The following CMTM8 variants were observed in gnomAD, a reference collection of about 807,000 sequenced individuals.
CMTM8 encodes CKLF-like MARVEL transmembrane domain-containing protein 8.
In CMTM8, 12 loss-of-function variants were observed where a neutral mutation model predicts 18.6. The ratio of observed to expected loss-of-function variants is 0.65; its 90% CI spans 0.41 to 1.05. The LOEUF (loss-of-function observed/expected upper bound fraction) is 1.05, where lower values mean the gene tolerates loss of function less well. Ranked by LOEUF, CMTM8 falls within the 50% of genes least tolerant of loss-of-function variation. CMTM8 has a pLI of 0.00. For synonymous variants in CMTM8, 87 were observed against 90.6 expected, an observed-to-expected ratio of 0.96 and a Z score of 0.23; for missense variants, 217 against 227.2, an observed-to-expected ratio of 0.95 and a Z score of 0.29.
At chr3:32,327,417 A>G (rs541612074) in intron 1 of CMTM8, among the ~76,000 whole-genome samples, 1 of 152,376 alleles carries the variant, frequency 6.6e-6, no homozygotes, top group South Asian at 2.1e-4. Flanking sequence ...TTAAATTTAA[A>G]AATAAAACAT....
rs765766100 is a variant in CMTM8 at position 32,367,916 on chromosome 3, C to CGCTGTTGTAGAT, written c.369_380dup (p.Val124_Ala127dup). The CGCTGTTGTAGAT allele has an allele frequency of 6.2e-7, 1 of 1,614,114 alleles. No homozygotes were observed. On this transcript the variant is annotated inframe_insertion, in exon 3 of 4. Coordinates refer to ENST00000307526, the MANE Select transcript of CMTM8 (RefSeq NM_178868.5). ...GTGCCTTCGTCTTGTACCTCTCTGC[C>CGCTGTTGTAGAT]GCTGTTGTAGATGCATCTTCCGTCT...
intron 1 of CMTM8, among the ~76,000 whole-genome samples, chr3:32,253,109 T>G (rs1004705830): frequency 6.6e-6 from 1 of 152,228 alleles, no homozygotes; most frequent in African/African-American, 2.4e-5. Context: ...TAATGTTGAA[T>G]TATTCTTGTA....
At chr3:32,321,290 A>C (rs1221493727) in intron 1 of CMTM8, among the ~76,000 whole-genome samples, 1 of 152,048 alleles carries the variant, frequency 6.6e-6, no homozygotes, top group Non-Finnish European at 1.5e-5. Flanking sequence ...AAAGCTGCTG[A>C]ATGTAGAAAA....
At chr3:32,304,611 G>C (rs1241234884) in intron 1 of CMTM8, among the ~76,000 whole-genome samples, 1 of 152,206 alleles carries the variant, frequency 6.6e-6, no homozygotes, top group African/African-American at 2.4e-5. Flanking sequence ...GCAAATATTT[G>C]TCTGGAGTTA....
chr3:32,252,280 T>A (rs1702121527), intron 1 of CMTM8, among the ~76,000 whole-genome samples: 1 of 152,200 alleles, frequency 6.6e-6, no homozygotes, highest in African/African-American at 2.4e-5. Flanking sequence ...TCCCAGGCCC[T>A]TTTAATTATT....
Position 32,238,841 on chromosome 3 carries a change from C to G in CMTM8, c.-132C>G. The G allele has an allele frequency of 2.8e-6, 2 of 723,328 alleles. No homozygotes were observed. Among genetic ancestry groups the G allele is most frequent in the Non-Finnish European group, 3.8e-6 (2 of 525,872 alleles). 44.8% of individuals were successfully genotyped at this position (723,328 alleles called of 1,614,324 possible). A position where few individuals can be genotyped will look rare whatever the true frequency, so the allele number is the denominator to read the frequency against. On this transcript the variant is annotated 5_prime_UTR_variant, in exon 1 of 4. Coordinates refer to ENST00000307526, the MANE Select transcript of CMTM8 (RefSeq NM_178868.5). ...CTGGACAGCCCCCGGCGGGCGCCCC[C>G]CTCGCACCTCCTGCCCCGCGCGGGC...
intron 1 of CMTM8, among the ~76,000 whole-genome samples, chr3:32,353,175 G>C (rs1474898820): frequency 1.3e-5 from 2 of 152,132 alleles, no homozygotes; most frequent in Admixed American, 1.3e-4. Flanking sequence ...TGTATTCTTA[G>C]TGGAGATGGG....
rs1159051533 is a variant in CMTM8 at position 32,358,445 on chromosome 3, A to G, written c.321+899A>G. Among the ~76,000 whole-genome samples, 2 of 152,030 alleles carry G rather than the reference A, an allele frequency of 1.3e-5. No homozygotes were observed. The highest frequency in any genetic ancestry group is 2.4e-5 in the African/African-American group (1 of 41,266). ...ATGTATAAAACAGAGCTCTCCAGTG[A>G]TACTATTTTTTTGTCTGTTTTCAAC... is the stretch of plus-strand genomic sequence containing the variant. On this transcript the variant is annotated intron_variant, in intron 2 of 3. Coordinates refer to ENST00000307526, the MANE Select transcript of CMTM8 (RefSeq NM_178868.5). The surrounding 1 kb of genome is among the most constrained non-coding windows in gnomAD (Gnocchi z 4.1).
chr3:32,265,643 C>CA (rs1412066241), intron 1 of CMTM8, among the ~76,000 whole-genome samples: 1,639 of 151,302 alleles, frequency 0.011, 25 homozygotes, highest in African/African-American at 0.037. Flanking sequence ...AAAAACCCTT[C>CA]AAAAAATCAA....
At chr3:32,355,700 C>T (rs1425058589) in intron 1 of CMTM8, among the ~76,000 whole-genome samples, 2 of 152,182 alleles carry the variant, frequency 1.3e-5, no homozygotes, top group Non-Finnish European at 2.9e-5. Context: ...GGATAAAGCA[C>T]AAAATCCCTA....
chr3:32,350,359 C>CT (rs527757254), intron 1 of CMTM8, among the ~76,000 whole-genome samples: 8,975 of 136,070 alleles, frequency 0.066, 396 homozygotes, highest in African/African-American at 0.1. Context: ...GTGTTCTAAG[C>CT]TTTTTTTTTT....
At chr3:32,367,841 C>A in intron 2 of CMTM8, 31 bp from the exon 3 acceptor site, 1 of 1,478,454 alleles carries the variant, frequency 6.8e-7, no homozygotes, top group Non-Finnish European at 9.5e-7. Flanking sequence ...CCTCCCCTCT[C>A]CCTAAACACT....
chr3:32,270,069 A>G (rs1021843902), intron 1 of CMTM8, among the ~76,000 whole-genome samples: 1 of 151,354 alleles, frequency 6.6e-6, no homozygotes, highest in African/African-American at 2.4e-5. Flanking sequence ...CCATTGTACC[A>G]AGCTACCTGG....
intron 1 of CMTM8, among the ~76,000 whole-genome samples, chr3:32,261,768 C>T (rs1390087596): frequency 6.6e-6 from 1 of 152,138 alleles, no homozygotes; most frequent in Non-Finnish European, 1.5e-5. Flanking sequence ...ATGAGTCAAC[C>T]ACACCCTTGT....
chr3:32,357,422 G>A lies in CMTM8; in HGVS notation c.197G>A (p.Arg66Gln), dbSNP rs149146364. ...CTTATTGCTGGAACTGAGTACTTCCGGGTCCCCGCATTTGGCTGGGTCATG... is the reference window on the plus strand; with the variant it reads ...CTTATTGCTGGAACTGAGTACTTCCAGGTCCCCGCATTTGGCTGGGTCATG... ...WTLIAGTEYF[R>Q]VPAFGWVMFV... The change falls in exon 2 of 4, where the codon CGG (arginine) becomes CAG (glutamine). Residue 66 changes from arginine to glutamine, a missense_variant. Physicochemically the swap from Arg to Gln is conservative, Grantham distance 43. Transcript: ENST00000307526. 255 of 1,613,876 alleles carry A rather than the reference G, an allele frequency of 1.6e-4. No individual in the cohort carries two copies. The Middle Eastern group carries it at 1.7e-3, about 10-fold the overall frequency.
At chr3:32,369,505 C>G (rs1037758073) in intron 3 of CMTM8, among the ~76,000 whole-genome samples, 1 of 152,066 alleles carries the variant, frequency 6.6e-6, no homozygotes, top group South Asian at 2.1e-4. Flanking sequence ...GGGCTCATTG[C>G]TTACTCTGGC....
At position 32,300,296 on chromosome 3, in the gene CMTM8, G is replaced by A. The variant is rs145248321; in HGVS notation, c.148-57077G>A. 2.1e-3 allele frequency among the ~76,000 whole-genome samples: 316 copies of A among 152,336 alleles called. 1 individual carries two copies. The highest frequency in any genetic ancestry group is 7.3e-3 in the African/African-American group (304 of 41,574). On this transcript the variant is annotated intron_variant, in intron 1 of 3. Transcript: ENST00000307526. ...TAATTTCCTTCCAGGTATGGGGCAG[G>A]ACCCTTTCTGGAATGGGGGTCTTAT... is the stretch of plus-strand genomic sequence containing the variant.
chr3:32,337,058 A>T (rs1696403169), intron 1 of CMTM8, among the ~76,000 whole-genome samples: 1 of 152,036 alleles, frequency 6.6e-6, no homozygotes, highest in South Asian at 2.1e-4. Context: ...GACTTTTAAA[A>T]CAGACTCCCT....
chr3:32,285,275 G>A (rs1483558478), intron 1 of CMTM8, among the ~76,000 whole-genome samples: 2 of 152,182 alleles, frequency 1.3e-5, no homozygotes. Flanking sequence ...AGCACTTTGG[G>A]AGGCCGAGGC....
Sources: allele counts gnomAD v4.1 joint callset (sites outside exome capture counted in the v4.1 genomes callset), GRCh38; gene constraint gnomAD v4.1.1; non-coding constraint Gnocchi (gnomAD v3.1); transcripts MANE v1.5; gene names NCBI Gene and HGNC (gene_info 2026-07-23, HGNC 2026-07-21).